Variants in KIAA1217 observed in about 807,000 individuals in gnomAD.
KIAA1217 encodes the protein sickle tail protein homolog.
KIAA1217 carries 88 observed loss-of-function variants against 163.9 expected under a neutral mutation model. The ratio of observed to expected loss-of-function variants is 0.54; its 90% CI spans 0.45 to 0.64. The LOEUF is 0.64. KIAA1217 is among the 30% of genes least tolerant of loss of function. KIAA1217 has a pLI of 0.00. For missense variants in KIAA1217, 2,372 were observed against 2,475.0 expected (o/e 0.96, Z 0.88); for synonymous variants, 903 against 923.1 (o/e 0.98, Z 0.39).
chr10:24,019,027 G>A (rs1847617508), intron 2 of KIAA1217, among the ~76,000 whole-genome samples: 1 of 152,070 alleles, frequency 6.6e-6, no homozygotes, highest in South Asian at 2.1e-4. Flanking sequence ...GAGTAGAATG[G>A]TGGCTACCAG....
chr10:23,728,726 C>T (rs148287421), intron 1 of KIAA1217, among the ~76,000 whole-genome samples: 63 of 152,296 alleles, frequency 4.1e-4, no homozygotes, highest in East Asian at 1.9e-3. Context: ...ATGACTAAAA[C>T]GCCAAAAGCA....
rs564620098 is a variant in KIAA1217, at chr10:24,362,668, A to G, written c.355-18201A>G. On this transcript the variant is annotated intron_variant, in intron 2 of 20. Coordinates refer to ENST00000376454, the MANE Select transcript of KIAA1217 (RefSeq NM_019590.5). ...CTAACTGGTTAAATTGCTTCCAGAG[A>G]GTCAAAATTTGACTCTATGTAAAGT... Among the ~76,000 whole-genome samples, 8 of 152,286 alleles carry G rather than the reference A, an allele frequency of 5.3e-5. No individual in the cohort carries two copies. The South Asian group carries it at 1.7e-3, about 32-fold the overall frequency.
chr10:24,484,033 C>A (rs770622181), intron 6 of KIAA1217, among the ~76,000 whole-genome samples: 1 of 151,732 alleles, frequency 6.6e-6, no homozygotes, highest in Non-Finnish European at 1.5e-5. Flanking sequence ...CTAAGAAAAG[C>A]CCTGCCTGGC....
chr10:24,197,262 C>A (rs954352028), intron 2 of KIAA1217, among the ~76,000 whole-genome samples: 2 of 152,108 alleles, frequency 1.3e-5, no homozygotes, highest in African/African-American at 4.8e-5. Context: ...ATTTATAATT[C>A]GGCACCCAGT....
At chr10:24,011,313 C>G (rs1847227599) in intron 2 of KIAA1217, among the ~76,000 whole-genome samples, 1 of 151,884 alleles carries the variant, frequency 6.6e-6, no homozygotes, top group South Asian at 2.1e-4. Context: ...TAGCGAGACC[C>G]CATCTTTACA....
At chr10:24,479,539 G>A (rs142185266) in intron 6 of KIAA1217, among the ~76,000 whole-genome samples, 11 of 152,184 alleles carry the variant, frequency 7.2e-5, no homozygotes, top group Admixed American at 4.6e-4. Context: ...CCTCTGTACT[G>A]TTGTCAGTTT....
intron 1 of KIAA1217, among the ~76,000 whole-genome samples, chr10:23,880,700 T>C (rs1564502401): frequency 1.3e-5 from 2 of 151,934 alleles, no homozygotes; most frequent in Admixed American, 1.3e-4. Context: ...TGTATGAAAA[T>C]ATCTCTTTTA....
chr10:24,541,718 G>A (rs1172459254), intron 17 of KIAA1217, among the ~76,000 whole-genome samples: 3 of 152,176 alleles, frequency 2.0e-5, no homozygotes, highest in Non-Finnish European at 4.4e-5. Flanking sequence ...CAGGTGAAGC[G>A]CCTTGAATAC....
At chr10:24,119,018 T>C (rs11013906) in intron 2 of KIAA1217, among the ~76,000 whole-genome samples, 37,484 of 152,016 alleles carry the variant, frequency 0.25, 4,745 homozygotes, top group East Asian at 0.43. Flanking sequence ...AGTTATCAGT[T>C]GTACTATAAA....
chr10:24,306,961 G>A (rs572989800), intron 2 of KIAA1217, among the ~76,000 whole-genome samples: 10 of 152,112 alleles, frequency 6.6e-5, no homozygotes, highest in Non-Finnish European at 1.2e-4. Context: ...GCTACCTGCC[G>A]GGCATTAGTT....
chr10:24,055,574 AT>A (rs1849834468), intron 2 of KIAA1217, among the ~76,000 whole-genome samples: 1 of 152,140 alleles, frequency 6.6e-6, no homozygotes, highest in Non-Finnish European at 1.5e-5. Context: ...ATTATTTTAT[AT>A]GGTTTGTTAG....
chr10:24,314,439 T>A (rs548151891), intron 2 of KIAA1217, among the ~76,000 whole-genome samples: 1 of 152,304 alleles, frequency 6.6e-6, no homozygotes, highest in Admixed American at 6.5e-5. Flanking sequence ...GTTTCCTAAA[T>A]GAGGGAGGGT....
chr10:24,057,674 A>G (rs2060576187), intron 2 of KIAA1217, among the ~76,000 whole-genome samples: 1 of 152,212 alleles, frequency 6.6e-6, no homozygotes, highest in South Asian at 2.1e-4. Context: ...ATATTTTAAT[A>G]TACCTACTGG....
At chr10:24,497,315 C>A (rs539737476) in intron 8 of KIAA1217, among the ~76,000 whole-genome samples, 4 of 152,134 alleles carry the variant, frequency 2.6e-5, no homozygotes, top group Non-Finnish European at 4.4e-5. Flanking sequence ...GGTTTTTATA[C>A]TGAGCATTAG....
At chr10:24,089,513 TGG>T (rs1453115328) in intron 2 of KIAA1217, among the ~76,000 whole-genome samples, 1 of 145,254 alleles carries the variant, frequency 6.9e-6, no homozygotes, top group Non-Finnish European at 1.6e-5. Context: ...TTTCTACATG[TGG>T]CTAGCCAGTT....
intron 5 of KIAA1217, among the ~76,000 whole-genome samples, chr10:24,472,291 C>T (rs1047200421): frequency 6.6e-6 from 1 of 152,190 alleles, no homozygotes; most frequent in African/African-American, 2.4e-5. Context: ...CAAGGGTCCA[C>T]TGCCATTGTA....
At chr10:23,905,222 G>A (rs1233063291) in intron 1 of KIAA1217, among the ~76,000 whole-genome samples, 2 of 151,056 alleles carry the variant, frequency 1.3e-5, no homozygotes, top group Admixed American at 6.6e-5. Context: ...GTTCTTGGGT[G>A]CAGTGGGGAA....
intron 2 of KIAA1217, among the ~76,000 whole-genome samples, chr10:24,222,591 A>G (rs1443168740): frequency 2.0e-5 from 3 of 151,822 alleles, no homozygotes; most frequent in African/African-American, 7.3e-5. Context: ...ACTCACTTCA[A>G]CCTCCACCTC....
At chr10:23,794,549 T>C (rs1182006450) in intron 1 of KIAA1217, among the ~76,000 whole-genome samples, 1 of 152,232 alleles carries the variant, frequency 6.6e-6, no homozygotes, top group East Asian at 1.9e-4. Flanking sequence ...TTATCTCTTT[T>C]AGCGAGGTTT....
Sources: gnomAD v4.1 joint callset for allele counts (sites outside exome capture counted in the v4.1 genomes callset) on GRCh38, gnomAD v4.1.1 for gene constraint, MANE v1.5 for transcripts, NCBI Gene and HGNC (gene_info 2026-07-23, HGNC 2026-07-21) for gene names.